The following TMEM63C variants were observed in gnomAD, a reference collection of about 807,000 sequenced individuals.
TMEM63C encodes the protein osmosensitive cation channel TMEM63C.
A neutral mutation model predicts 99.2 loss-of-function variants in TMEM63C; 32 were observed. The ratio of observed to expected loss-of-function variants is 0.32; its 90% confidence interval spans 0.24 to 0.43. The LOEUF (loss-of-function observed/expected upper bound fraction) is 0.43. Among genes scored for constraint, TMEM63C ranks in the 20% least tolerant of loss-of-function variants. TMEM63C has a pLI of 1.00. For missense variants in TMEM63C, 826 were observed against 1,053.0 expected, an observed-to-expected ratio of 0.78 and a Z score of 2.98; for synonymous variants, 376 against 397.9, an observed-to-expected ratio of 0.94 and a Z score of 0.66.
chr14:77,194,853 A>G (rs957911709), intron 1 of TMEM63C, among the ~76,000 whole-genome samples: 4 of 151,700 alleles, frequency 2.6e-5, no homozygotes, highest in African/African-American at 9.7e-5. Context: ...AAGTGCTAGG[A>G]TTACAGGTGT....
chr14:77,196,875 T>C (rs1198876212), intron 1 of TMEM63C, among the ~76,000 whole-genome samples: 1 of 152,162 alleles, frequency 6.6e-6, no homozygotes, highest in Non-Finnish European at 1.5e-5. Flanking sequence ...CTGGGCTCAG[T>C]GGCCTCCCCT....
intron 5 of TMEM63C, 88 bp from the exon 6 acceptor site, chr14:77,225,336 T>C: frequency 1.5e-6 from 2 of 1,331,002 alleles, no homozygotes; most frequent in Admixed American, 2.4e-5. Flanking sequence ...CGCGGCTGCC[T>C]CAGATGACCT....
chr14:77,181,856 C>G lies in TMEM63C; in HGVS notation c.-115C>G, dbSNP rs1887919238. On this transcript the variant is annotated 5_prime_UTR_variant, in exon 1 of 24. Coordinates refer to ENST00000298351, the MANE Select transcript of TMEM63C (RefSeq NM_020431.4). ...CACTGCAGCCTGGCGGCCTGAGCGCCGAGCCTGGGGCTGGGGCCGCGGTGC... is the reference window on the plus strand; with the variant it reads ...CACTGCAGCCTGGCGGCCTGAGCGCGGAGCCTGGGGCTGGGGCCGCGGTGC... 1 of 152,096 alleles carries G rather than the reference C, an allele frequency of 6.6e-6. No individual in the cohort carries two copies. The highest frequency in any genetic ancestry group is 1.5e-5 in the Non-Finnish European group (1 of 68,082). 9.4% of individuals were successfully genotyped at this position (152,096 alleles called of 1,614,324 possible). A position where few individuals can be genotyped will look rare whatever the true frequency, so the allele number is the denominator to read the frequency against.
intron 5 of TMEM63C, among the ~76,000 whole-genome samples, chr14:77,223,726 C>G (rs1888767895): frequency 6.6e-6 from 1 of 152,298 alleles, no homozygotes; most frequent in Non-Finnish European, 1.5e-5. Flanking sequence ...CACGCTTCTA[C>G]TCATGACCTC....
intron 1 of TMEM63C, among the ~76,000 whole-genome samples, chr14:77,182,534 C>T (rs1887931969): frequency 1.3e-5 from 2 of 152,258 alleles, no homozygotes; most frequent in South Asian, 4.1e-4. Flanking sequence ...GTGGCTTGAC[C>T]AAGGTCACTG....
chr14:77,232,206 T>C (rs1018504465), intron 7 of TMEM63C, among the ~76,000 whole-genome samples: 2 of 152,152 alleles, frequency 1.3e-5, no homozygotes, highest in African/African-American at 4.8e-5. Flanking sequence ...AAATCATGGC[T>C]CCACAATGTT....
At chr14:77,246,122 C>T in intron 17 of TMEM63C, 96 bp downstream of exon 17, 1 of 975,452 alleles carries the variant, frequency 1.0e-6, no homozygotes, top group Non-Finnish European at 1.7e-6. Context: ...GTGATTGCTG[C>T]AAACCCACTC....
At chr14:77,219,913 C>A (rs2140109242) in intron 4 of TMEM63C, 93 bp from the exon 5 acceptor site, 2 of 1,216,896 alleles carry the variant, frequency 1.6e-6, no homozygotes, top group African/African-American at 1.5e-5. Context: ...GAGCAGAGGG[C>A]AGCCCTCAGC....
intron 3 of TMEM63C, 95 bp from the exon 4 acceptor site, chr14:77,219,403 A>C: frequency 7.6e-7 from 1 of 1,307,604 alleles, no homozygotes; most frequent in Non-Finnish European, 1.1e-6. Context: ...TGGGGACCTC[A>C]GGGACAGGGT....
chr14:77,229,671 C>T (rs187305040), intron 6 of TMEM63C, among the ~76,000 whole-genome samples: 5 of 145,624 alleles, frequency 3.4e-5, no homozygotes, highest in African/African-American at 9.9e-5. Context: ...AGGCTGGTCT[C>T]GAACTGCTGG....
At chr14:77,216,426 G>C (rs1280562200) in intron 2 of TMEM63C, among the ~76,000 whole-genome samples, 1 of 152,128 alleles carries the variant, frequency 6.6e-6, no homozygotes, top group Non-Finnish European at 1.5e-5. Flanking sequence ...CTATGCCAGT[G>C]GCTTTTGTCT....
intron 13 of TMEM63C, among the ~76,000 whole-genome samples, chr14:77,241,003 T>G (rs1303115958): frequency 6.8e-6 from 1 of 147,780 alleles, no homozygotes; most frequent in Non-Finnish European, 1.5e-5. Flanking sequence ...CAGGCTGGAG[T>G]GCAATGGCAC....
intron 5 of TMEM63C, among the ~76,000 whole-genome samples, chr14:77,224,689 G>A (rs959341643): frequency 6.6e-6 from 1 of 151,954 alleles, no homozygotes; most frequent in African/African-American, 2.4e-5. Flanking sequence ...CAAGAGAAAG[G>A]CCTCAACCGG....
At chr14:77,202,353 T>G (rs78014421) in intron 1 of TMEM63C, among the ~76,000 whole-genome samples, 195 of 151,020 alleles carry the variant, frequency 1.3e-3, no homozygotes, top group African/African-American at 4.5e-3. Flanking sequence ...CAAGCACCAA[T>G]GCATAGACCC....
Position 77,244,511 on chromosome 14 carries a change from C to A in TMEM63C, c.1448+56C>A, listed in dbSNP as rs1200767688. On this transcript the variant is annotated intron_variant, in intron 16 of 23. Coordinates refer to ENST00000298351, the MANE Select transcript of TMEM63C (RefSeq NM_020431.4). ...TGGTTTCTCCAGCCTCTTCCCCTGC[C>A]CTGGCTTCCCCGCCAGCCTGGCACT... The A allele has an allele frequency of 2.1e-6, 3 of 1,403,604 alleles. No individual in the cohort carries two copies. The African/African-American group carries it at 4.2e-5, about 20-fold the overall frequency. The allele number at this position is 1,403,604 out of a possible 1,614,324, so 86.9% of individuals were successfully genotyped here.
At chr14:77,250,596 C>T (rs1043175250) in intron 21 of TMEM63C, among the ~76,000 whole-genome samples, 5 of 152,022 alleles carry the variant, frequency 3.3e-5, no homozygotes, top group Admixed American at 6.5e-5. Flanking sequence ...GGTGCCACCA[C>T]GCCCCGCTAA....
chr14:77,251,096 C>T (rs572565802), intron 21 of TMEM63C, among the ~76,000 whole-genome samples: 167 of 152,310 alleles, frequency 1.1e-3, no homozygotes, highest in Middle Eastern at 3.4e-3. Flanking sequence ...ACACAATGTT[C>T]TGAGCAATTT....
At chr14:77,199,417 T>C (rs1888261124) in intron 1 of TMEM63C, among the ~76,000 whole-genome samples, 1 of 152,148 alleles carries the variant, frequency 6.6e-6, no homozygotes. Flanking sequence ...GGTCCCAACT[T>C]GCCTGTTATC....
At chr14:77,191,538 C>CTTTTTTTTTTTTTTTTTTTTTTTTTTT (rs71125542) in intron 1 of TMEM63C, among the ~76,000 whole-genome samples, 28 of 82,606 alleles carry the variant, frequency 3.4e-4, no homozygotes, top group South Asian at 4.8e-4. Flanking sequence ...TTTTCTTTTT[C>CTTTTTTTTTTTTTTTTTTTTTTTTTTT]TTTTTTTTTT....
Sources: allele counts gnomAD v4.1 joint callset (sites outside exome capture counted in the v4.1 genomes callset), GRCh38; gene constraint gnomAD v4.1.1; transcripts MANE v1.5; gene names NCBI Gene and HGNC (gene_info 2026-07-23, HGNC 2026-07-21).